The following COL25A1 variants were observed in gnomAD, a reference collection of about 807,000 sequenced individuals.
COL25A1 encodes the protein collagen type XXV alpha 1 chain.
COL25A1 carries 103 observed loss-of-function variants against 128.4 expected under a neutral mutation model. That is an observed-to-expected ratio of 0.80 (90% CI 0.68 to 0.94). The LOEUF (loss-of-function observed/expected upper bound fraction) is 0.94, where lower values mean the gene tolerates loss of function less well. Among genes scored for constraint, COL25A1 ranks in the 40% least tolerant of loss-of-function variants. The pLI, the probability that COL25A1 is intolerant of heterozygous loss-of-function variation, is 0.00. For synonymous variants in COL25A1, 279 were observed against 277.2 expected (o/e 1.01, Z -0.06); for missense variants, 745 against 840.0 (o/e 0.89, Z 1.40).
chr4:108,946,713 C>T (rs1046526485), intron 8 of COL25A1, among the ~76,000 whole-genome samples: 1 of 151,740 alleles, frequency 6.6e-6, no homozygotes, highest in African/African-American at 2.4e-5. Context: ...GGGGGGGCTA[C>T]AAAGAAAATA....
chr4:109,033,746 A>T (rs1759083637), intron 5 of COL25A1, among the ~76,000 whole-genome samples: 1 of 152,194 alleles, frequency 6.6e-6, no homozygotes, highest in African/African-American at 2.4e-5. Flanking sequence ...CAGGGAAAAA[A>T]AAAGCTAATT....
chr4:109,138,643 C>A (rs374542460), intron 3 of COL25A1, among the ~76,000 whole-genome samples: 3 of 152,172 alleles, frequency 2.0e-5, no homozygotes, highest in African/African-American at 7.2e-5. Flanking sequence ...TCCTCTCCAG[C>A]ATCTGTTGTT....
chr4:109,061,083 G>A (rs768801361), intron 3 of COL25A1, among the ~76,000 whole-genome samples: 1 of 152,086 alleles, frequency 6.6e-6, no homozygotes, highest in Non-Finnish European at 1.5e-5. Flanking sequence ...CAACACACAA[G>A]GTTTTCTCCT....
At chr4:109,283,257 C>T (rs902451756) in intron 3 of COL25A1, among the ~76,000 whole-genome samples, 1 of 151,896 alleles carries the variant, frequency 6.6e-6, no homozygotes, top group Non-Finnish European at 1.5e-5. Context: ...GGCTTTAGAC[C>T]TCACTAAAGA....
At chr4:109,077,486 A>G (rs2125989952) in intron 3 of COL25A1, among the ~76,000 whole-genome samples, 1 of 142,020 alleles carries the variant, frequency 7.0e-6, no homozygotes, top group East Asian at 2.4e-4. Flanking sequence ...ACATTATTTT[A>G]AACATTACTT....
At position 108,929,222 on chromosome 4, in the gene COL25A1, C is replaced by G. The variant is rs1046154542; in HGVS notation, c.708+8586G>C. ...CACTGCAACCTCTGCCTCCCAGGTT[C>G]AAGTGATTCTCCTGCCTCAGCCTCC... On this transcript the variant is annotated intron_variant, in intron 11 of 37. Transcript: ENST00000399132. Among the ~76,000 whole-genome samples, 10 of 152,098 alleles carry G rather than the reference C, an allele frequency of 6.6e-5. No homozygotes were observed. The East Asian group carries it at 1.9e-3, about 29-fold the overall frequency.
chr4:108,873,908 A>C (rs954947016), intron 19 of COL25A1, among the ~76,000 whole-genome samples: 1 of 133,754 alleles, frequency 7.5e-6, no homozygotes, highest in African/African-American at 2.6e-5. Context: ...ATTTCCCTAA[A>C]TGAATGTAAT....
intron 3 of COL25A1, among the ~76,000 whole-genome samples, chr4:109,140,527 A>G (rs1770296236): frequency 6.6e-6 from 1 of 152,152 alleles, no homozygotes; most frequent in African/African-American, 2.4e-5. Flanking sequence ...TTTGGGCAGT[A>G]TGGCCATTTT....
intron 3 of COL25A1, among the ~76,000 whole-genome samples, chr4:109,151,908 C>G (rs938348162): frequency 1.3e-5 from 2 of 152,066 alleles, no homozygotes; most frequent in African/African-American, 4.8e-5. Flanking sequence ...TACAATGAAT[C>G]GTCTGTGCTT....
At chr4:108,897,772 G>C (rs1477894167) in intron 15 of COL25A1, among the ~76,000 whole-genome samples, 2 of 152,110 alleles carry the variant, frequency 1.3e-5, no homozygotes, top group Admixed American at 6.5e-5. Context: ...TTTCTTGGGA[G>C]GGGGGAGAAA....
chr4:109,029,643 TAC>T (rs1160360432), intron 5 of COL25A1, among the ~76,000 whole-genome samples: 1 of 152,194 alleles, frequency 6.6e-6, no homozygotes, highest in Non-Finnish European at 1.5e-5. Flanking sequence ...AAGAAACATA[TAC>T]GTATAGGATT....
At chr4:109,002,205 G>C (rs1755503950) in intron 6 of COL25A1, among the ~76,000 whole-genome samples, 1 of 152,208 alleles carries the variant, frequency 6.6e-6, no homozygotes, top group Non-Finnish European at 1.5e-5. Flanking sequence ...CAATCCCACA[G>C]CTGGGTATAT....
At chr4:109,132,717 A>T (rs7669769) in intron 3 of COL25A1, among the ~76,000 whole-genome samples, 4 of 151,926 alleles carry the variant, frequency 2.6e-5, no homozygotes, top group South Asian at 2.1e-4. Context: ...GAAAGTAGTA[A>T]GTAATGACAT....
chr4:108,960,232 T>C (rs1750532335), intron 8 of COL25A1, among the ~76,000 whole-genome samples: 1 of 152,226 alleles, frequency 6.6e-6, no homozygotes, highest in African/African-American at 2.4e-5. Flanking sequence ...AAAAAGAGAT[T>C]GTTCAGAGAC....
chr4:109,285,247 A>G (rs1455823722), intron 3 of COL25A1, among the ~76,000 whole-genome samples: 2 of 152,198 alleles, frequency 1.3e-5, no homozygotes, highest in African/African-American at 4.8e-5. Context: ...CTTGTTTTTT[A>G]TGATGTAGAG....
intron 3 of COL25A1, among the ~76,000 whole-genome samples, chr4:109,231,375 C>A (rs146867839): frequency 1.1e-3 from 173 of 152,158 alleles, no homozygotes; most frequent in African/African-American, 4.0e-3. Context: ...TAAGATTTAG[C>A]TATTATTTAG....
chr4:109,058,973 G>T (rs1351856683), intron 3 of COL25A1, among the ~76,000 whole-genome samples: 1 of 152,208 alleles, frequency 6.6e-6, no homozygotes, highest in Non-Finnish European at 1.5e-5. Flanking sequence ...GGGTAACGCA[G>T]AAGTCTGGAC....
intron 3 of COL25A1, among the ~76,000 whole-genome samples, chr4:109,297,022 C>T (rs1354302478): frequency 6.6e-6 from 1 of 152,074 alleles, no homozygotes; most frequent in African/African-American, 2.4e-5. Flanking sequence ...AGAGGCCAAG[C>T]CACAGATGCC....
chr4:109,108,254 C>T (rs1317443534), intron 3 of COL25A1, among the ~76,000 whole-genome samples: 1 of 152,204 alleles, frequency 6.6e-6, no homozygotes, highest in African/African-American at 2.4e-5. Context: ...TTGTTCAATT[C>T]CCACCTATGA....
Sources: gnomAD v4.1 joint callset for allele counts (sites outside exome capture counted in the v4.1 genomes callset) on GRCh38, gnomAD v4.1.1 for gene constraint, MANE v1.5 for transcripts, NCBI Gene and HGNC (gene_info 2026-07-23, HGNC 2026-07-21) for gene names.